SOS2: variants seen among roughly 807,000 people sequenced by gnomAD.
SOS2 encodes the protein son of sevenless homolog 2.
Under a neutral mutation model 148.2 loss-of-function variants are expected in SOS2, and 65 were observed. That is an observed-to-expected ratio of 0.44 (90% CI 0.36 to 0.54). SOS2 has a LOEUF of 0.54. SOS2 is among the 20% of genes least tolerant of loss of function. SOS2 has a pLI of 0.00. For missense variants in SOS2, 1,341 were observed against 1,590.2 expected, an observed-to-expected ratio of 0.84 and a Z score of 2.67; for synonymous variants, 539 against 537.1, an observed-to-expected ratio of 1.00 and a Z score of -0.05.
intron 4 of SOS2, among the ~76,000 whole-genome samples, chr14:50,195,057 A>G (rs898861898): frequency 6.6e-6 from 1 of 152,132 alleles, no homozygotes; most frequent in Non-Finnish European, 1.5e-5. Flanking sequence ...AACAGTATGA[A>G]GTTTTCTAGG....
intron 8 of SOS2, among the ~76,000 whole-genome samples, chr14:50,171,004 C>T (rs1885343277): frequency 6.6e-6 from 1 of 151,648 alleles, no homozygotes; most frequent in Admixed American, 6.6e-5. Flanking sequence ...ATCCCAGCTA[C>T]TCGGGAAGCT....
rs926485482 is a variant in SOS2 at position 50,120,488 on chromosome 14, C to T, written c.3380-104G>A. The T allele has an allele frequency of 1.4e-5, 9 of 657,442 alleles. No individual in the cohort carries two copies. The East Asian group carries it at 2.3e-4, about 17-fold the overall frequency. The allele number at this position is 657,442 out of a possible 1,614,324, so 40.7% of individuals were successfully genotyped here. ...TACCATGGCATTTGTCAGACTGTAT[C>T]AACTATTGGTTTATCTATCTTCCCC... On this transcript the variant is annotated intron_variant, in intron 21 of 22. Transcript: ENST00000216373.
chr14:50,210,472 C>T (rs1276420673), intron 1 of SOS2, among the ~76,000 whole-genome samples: 1 of 152,010 alleles, frequency 6.6e-6, no homozygotes, highest in African/African-American at 2.4e-5. Flanking sequence ...TTCATGATTT[C>T]AGGATTGAAA....
chr14:50,141,627 TAAAG>T (rs1337004116), intron 16 of SOS2, among the ~76,000 whole-genome samples: 1 of 152,052 alleles, frequency 6.6e-6, no homozygotes, highest in Non-Finnish European at 1.5e-5. Context: ...ACTGAGTAAA[TAAAG>T]AGATAAACGA....
Position 50,165,490 on chromosome 14 carries a change from G to C in SOS2, c.1069-3881C>G, listed in dbSNP as rs1885137517. 2.0e-5 allele frequency among the ~76,000 whole-genome samples: 3 copies of C among 152,020 alleles called. No individual in the cohort carries two copies. The South Asian group carries it at 6.2e-4, about 31-fold the overall frequency. On this transcript the variant is annotated intron_variant, in intron 8 of 22. Coordinates refer to ENST00000216373, the MANE Select transcript of SOS2 (RefSeq NM_006939.4). ...ATTTTTTTTTACTCCACTGAACAAA[G>C]GAAAAATCAATAGGAATTTTTTTCT...
intron 17 of SOS2, among the ~76,000 whole-genome samples, chr14:50,139,381 T>C (rs895557089): frequency 6.6e-6 from 1 of 152,180 alleles, no homozygotes; most frequent in Non-Finnish European, 1.5e-5. Context: ...TATTTAGGAA[T>C]GTCTAGAGAC....
chr14:50,217,978 C>CA (rs778427935), intron 1 of SOS2, among the ~76,000 whole-genome samples: 2 of 149,078 alleles, frequency 1.3e-5, no homozygotes, highest in African/African-American at 2.5e-5. Flanking sequence ...CAAAAACAAA[C>CA]AAACAAAAAA....
intron 1 of SOS2, among the ~76,000 whole-genome samples, chr14:50,204,676 A>T (rs1595021585): frequency 6.6e-6 from 1 of 152,280 alleles, no homozygotes; most frequent in Non-Finnish European, 1.5e-5. Flanking sequence ...ATATACACAT[A>T]AACTATTCTA....
intron 7 of SOS2, 37 bp downstream of exon 7, chr14:50,180,535 A>G: frequency 2.5e-6 from 1 of 401,176 alleles, no homozygotes; most frequent in Non-Finnish European, 3.9e-6. Flanking sequence ...TGCTTTATTA[A>G]AAAAAAAAAA....
intron 5 of SOS2, 65 bp downstream of exon 5, chr14:50,188,432 T>C (rs371502031): frequency 2.4e-6 from 1 of 423,478 alleles, no homozygotes; most frequent in South Asian, 3.2e-5. Context: ...AAGTGACTAT[T>C]TATGATTTTA....
At chr14:50,192,307 G>C (rs1278875664) in intron 4 of SOS2, among the ~76,000 whole-genome samples, 1 of 152,066 alleles carries the variant, frequency 6.6e-6, no homozygotes, top group Non-Finnish European at 1.5e-5. Context: ...TATAATCCCA[G>C]AACTTTAGAG....
At chr14:50,227,173 A>G (rs1293771238) in intron 1 of SOS2, among the ~76,000 whole-genome samples, 1 of 151,958 alleles carries the variant, frequency 6.6e-6, no homozygotes, top group Non-Finnish European at 1.5e-5. Context: ...AAAGAACACC[A>G]CATTTCTATT....
chr14:50,133,381 G>A (rs1883970341), intron 19 of SOS2, among the ~76,000 whole-genome samples: 2 of 149,948 alleles, frequency 1.3e-5, no homozygotes, highest in African/African-American at 4.9e-5. Flanking sequence ...TGTATTTTTG[G>A]TAGAGACAGG....
rs917236944 is a variant in SOS2, at chr14:50,208,445, T to G, written c.88-4036A>C. Among the ~76,000 whole-genome samples, 40 of 152,030 alleles carry G rather than the reference T, an allele frequency of 2.6e-4. 1 individual carries two copies. Among genetic ancestry groups the G allele is most frequent in the Non-Finnish European group, 7.4e-5 (5 of 67,990 alleles). On this transcript the variant is annotated intron_variant, in intron 1 of 22. Transcript: ENST00000216373. Reference sequence around the variant, plus strand: ...GACGGGGGGATCACAAGGTCAGAGTTTGAGACCACCCTGGCCAATACGGTG... The same window carrying G: ...GACGGGGGGATCACAAGGTCAGAGTGTGAGACCACCCTGGCCAATACGGTG...
At chr14:50,183,043 T>A (rs1885793555) in intron 5 of SOS2, among the ~76,000 whole-genome samples, 1 of 152,224 alleles carries the variant, frequency 6.6e-6, no homozygotes, top group African/African-American at 2.4e-5. Context: ...CCATTAAATG[T>A]CAACAAGCTA....
intron 1 of SOS2, among the ~76,000 whole-genome samples, chr14:50,209,755 C>CA (rs34379246): frequency 0.86 from 125,637 of 146,696 alleles, 53,651 homozygotes; most frequent in East Asian, 0.9. Context: ...GACCTTGTCT[C>CA]AAAAAAAAAA....
intron 16 of SOS2, among the ~76,000 whole-genome samples, chr14:50,144,379 T>C (rs189011654): frequency 6.6e-6 from 1 of 152,162 alleles, no homozygotes; most frequent in East Asian, 1.9e-4. Context: ...CTATTTTCTA[T>C]ATCTCCTGAA....
intron 4 of SOS2, among the ~76,000 whole-genome samples, chr14:50,193,957 C>G (rs1197145190): frequency 6.6e-6 from 1 of 152,166 alleles, no homozygotes; most frequent in African/African-American, 2.4e-5. Context: ...GTTGCCCAGG[C>G]TGGTCTCAAA....
At chr14:50,159,249 G>A (rs1450848798) in intron 10 of SOS2, among the ~76,000 whole-genome samples, 182 bp downstream of exon 10, 1 of 151,792 alleles carries the variant, frequency 6.6e-6, no homozygotes, top group African/African-American at 2.4e-5. Context: ...AATTAATGAA[G>A]TTAACAATAT....
Sources: allele counts gnomAD v4.1 joint callset (sites outside exome capture counted in the v4.1 genomes callset), GRCh38; gene constraint gnomAD v4.1.1; transcripts MANE v1.5; gene names NCBI Gene and HGNC (gene_info 2026-07-23, HGNC 2026-07-21).